Variants in SPG11 observed in about 807,000 individuals in gnomAD.
SPG11 encodes SPG11 vesicle trafficking associated, spatacsin, also known as spatacsin.
In SPG11, 222 loss-of-function variants were observed where a neutral mutation model predicts 274.0. The observed-to-expected ratio is 0.81, with a 90% CI of 0.73 to 0.91. The LOEUF (loss-of-function observed/expected upper bound fraction) is 0.91. SPG11 is among the 40% of genes least tolerant of loss of function. SPG11 has a pLI of 0.00. For synonymous variants in SPG11, 1,144 were observed against 1,039.7 expected (o/e 1.10, Z -1.93); for missense variants, 3,114 against 2,872.7 (o/e 1.08, Z -1.92).
chr15:44,663,500 G>C lies in SPG11; in HGVS notation c.148C>G (p.Gln50Glu). 1 of 1,594,876 alleles carries C rather than the reference G, an allele frequency of 6.3e-7. No individual in the cohort carries two copies. The highest frequency in any genetic ancestry group is 1.1e-5 in the South Asian group (1 of 88,790). The change falls in exon 1 of 40, where the codon CAG (glutamine) becomes GAG (glutamate). Residue 50 changes from glutamine (Q) to glutamate (E), a missense_variant. Coordinates refer to ENST00000261866, the MANE Select transcript of SPG11 (RefSeq NM_025137.4). ...GTCAGGCTCCCCAGAGCCTCCGGCT[G>C]TGTGCGCAGCTGCGCCCGGGAGCCG... is the stretch of plus-strand genomic sequence containing the variant. ...QLGSRAQLRT[Q>E]PEALGSLTAA...
At chr15:44,578,217 G>A (rs887781315) in intron 30 of SPG11, among the ~76,000 whole-genome samples, 2 of 144,374 alleles carry the variant, frequency 1.4e-5, no homozygotes, top group African/African-American at 5.2e-5. Flanking sequence ...TGTATTTTTA[G>A]TAGAGATGGG....
intron 17 of SPG11, among the ~76,000 whole-genome samples, chr15:44,613,225 C>T (rs754570859): frequency 1.3e-5 from 2 of 152,208 alleles, no homozygotes. Context: ...GCTCTTTGCT[C>T]CAGGTCTAGC....
chr15:44,611,996 A>C (rs2083471607), intron 17 of SPG11, among the ~76,000 whole-genome samples: 1 of 151,834 alleles, frequency 6.6e-6, no homozygotes, highest in African/African-American at 2.4e-5. Flanking sequence ...TTTTTAGTAG[A>C]GACGGGGTTT....
chr15:44,622,078 T>A (rs1477266995), intron 13 of SPG11, 142 bp downstream of exon 13: 1 of 1,173,876 alleles, frequency 8.5e-7, no homozygotes, highest in African/African-American at 1.6e-5. Context: ...AACTCTCGAG[T>A]CCCTTCTGTC....
chr15:44,658,472 T>G (rs1173905260), intron 3 of SPG11, among the ~76,000 whole-genome samples: 1 of 152,006 alleles, frequency 6.6e-6, no homozygotes, highest in Non-Finnish European at 1.5e-5. Flanking sequence ...TTTTTTTTTT[T>G]TTTTAAGACA....
At position 44,569,964 on chromosome 15, in the gene SPG11, T is replaced by C. The variant is rs185990935; in HGVS notation, c.6478-459A>G. 2.4e-3 allele frequency among the ~76,000 whole-genome samples: 363 copies of C among 152,300 alleles called. 1 individual carries two copies. Among genetic ancestry groups the C allele is most frequent in the Non-Finnish European group, 9.0e-4 (61 of 68,018 alleles). On this transcript the variant is annotated intron_variant, in intron 34 of 39. Coordinates refer to ENST00000261866, the MANE Select transcript of SPG11 (RefSeq NM_025137.4). ...CTCAGGCAATCCGCCTGCCTCGGCCTCCCAAAGTGCTGGGATTACAGGCGT... is the reference window on the plus strand; with the variant it reads ...CTCAGGCAATCCGCCTGCCTCGGCCCCCCAAAGTGCTGGGATTACAGGCGT...
chr15:44,593,439 C>G (rs2082952873), intron 26 of SPG11, among the ~76,000 whole-genome samples: 1 of 152,206 alleles, frequency 6.6e-6, no homozygotes, highest in African/African-American at 2.4e-5. Flanking sequence ...ATCCATCCGC[C>G]TAGGCTTCCC....
Position 44,653,557 on chromosome 15 carries a change from T to C in SPG11, c.870-1291A>G, listed in dbSNP as rs987319456. 2.0e-5 allele frequency among the ~76,000 whole-genome samples: 3 copies of C among 152,262 alleles called. 1 individual carries two copies. Among genetic ancestry groups the C allele is most frequent in the Non-Finnish European group, 2.9e-5 (2 of 68,028 alleles). On this transcript the variant is annotated intron_variant, in intron 4 of 39. Coordinates refer to ENST00000261866, the MANE Select transcript of SPG11 (RefSeq NM_025137.4). ...ATTGTGGATGGATTTGAGGGGGTAATAGGCATGAGGAGATCAAGTAGGAGA... is the reference window on the plus strand; with the variant it reads ...ATTGTGGATGGATTTGAGGGGGTAACAGGCATGAGGAGATCAAGTAGGAGA...
chr15:44,570,475 C>G (rs559725145), intron 34 of SPG11, 50 bp downstream of exon 34: 46 of 1,612,730 alleles, frequency 2.9e-5, no homozygotes, highest in Non-Finnish European at 3.7e-5. Flanking sequence ...CTTTCTACTA[C>G]TCTCAAAGGT....
chr15:44,623,681 G>A (rs574646548), intron 11 of SPG11, among the ~76,000 whole-genome samples: 34 of 152,266 alleles, frequency 2.2e-4, no homozygotes, highest in Non-Finnish European at 4.4e-4. Flanking sequence ...TGCATGCTTC[G>A]ACAAGTGTGA....
At chr15:44,598,224 T>A in intron 23 of SPG11, 41 bp downstream of exon 23, 1 of 1,498,396 alleles carries the variant, frequency 6.7e-7, no homozygotes, top group Non-Finnish European at 9.3e-7. Flanking sequence ...GTTGGCACAA[T>A]AAGCTTGTTA....
chr15:44,565,706 C>T (rs113977890), intron 38 of SPG11, 148 bp downstream of exon 38: 134 of 970,714 alleles, frequency 1.4e-4, no homozygotes, highest in Middle Eastern at 2.7e-4. Flanking sequence ...ATCAAATTGC[C>T]GTTCTATGTT....
chr15:44,626,966 G>C (rs1390780473), intron 10 of SPG11, among the ~76,000 whole-genome samples: 1 of 152,186 alleles, frequency 6.6e-6, no homozygotes, highest in Non-Finnish European at 1.5e-5. Context: ...ACAAAGAAAA[G>C]AAACTGCATC....
chr15:44,573,853 C>T, intron 31 of SPG11, 108 bp from the exon 32 acceptor site: 2 of 1,004,412 alleles, frequency 2.0e-6, no homozygotes, highest in Non-Finnish European at 3.1e-6. Flanking sequence ...TCTGAGCTTA[C>T]AGACTCCTCA....
At chr15:44,644,791 G>A (rs1413298657) in intron 7 of SPG11, among the ~76,000 whole-genome samples, 1 of 152,042 alleles carries the variant, frequency 6.6e-6, no homozygotes, top group Non-Finnish European at 1.5e-5. Context: ...CAACATTCAA[G>A]CTGGGAGCCT....
intron 7 of SPG11, among the ~76,000 whole-genome samples, chr15:44,640,331 A>C (rs554381059): frequency 6.6e-6 from 1 of 152,366 alleles, no homozygotes; most frequent in Non-Finnish European, 1.5e-5. Context: ...AATTGTAAAA[A>C]TTGTAATGTT....
chr15:44,600,949 T>G (rs918897403), intron 20 of SPG11, among the ~76,000 whole-genome samples: 1 of 151,890 alleles, frequency 6.6e-6, no homozygotes, highest in Non-Finnish European at 1.5e-5. Context: ...AGGTCAAGAG[T>G]TGAGACCAGC....
At chr15:44,596,973 C>G in intron 23 of SPG11, 30 bp from the exon 24 acceptor site, 3 of 1,608,576 alleles carry the variant, frequency 1.9e-6, no homozygotes, top group Non-Finnish European at 1.7e-6. Flanking sequence ...TGGGGGTGGT[C>G]AAGAAAAAAC....
In SPG11 at chr15:44,563,245, G is replaced by A. The variant is rs904059359; in HGVS notation, c.7208C>T (p.Thr2403Ile). ...ATACAGGTAAACATCTTCACAATAT[G>A]TGAGTAATTTCTTCAGGTTTTCCAT... ...MVMENLKKLL[T>I]YCEDVYLYYK... Residue 2403 changes from threonine (T) to isoleucine (I), a missense_variant, in exon 40 of 40, where the codon ACA becomes ATA. Physicochemically the swap from Thr to Ile is moderately conservative, Grantham distance 89 (BLOSUM62 -1). Transcript: ENST00000261866. The A allele has an allele frequency of 6.2e-7, 1 of 1,613,982 alleles. No homozygotes were observed. The highest frequency in any genetic ancestry group is 8.5e-7 in the Non-Finnish European group (1 of 1,179,854).
Sources: allele counts gnomAD v4.1 joint callset (sites outside exome capture counted in the v4.1 genomes callset), GRCh38; gene constraint gnomAD v4.1.1; transcripts MANE v1.5; gene names NCBI Gene and HGNC (gene_info 2026-07-23, HGNC 2026-07-21).